Variants in RELN observed in about 807,000 individuals in gnomAD.
RELN encodes the protein reelin.
In RELN, 108 loss-of-function variants were observed where a neutral mutation model predicts 427.6. The observed-to-expected ratio is 0.25, with a 90% CI of 0.22 to 0.30. The LOEUF (loss-of-function observed/expected upper bound fraction) is 0.30, where lower values mean the gene tolerates loss of function less well. Ranked by LOEUF, RELN falls within the 10% of genes least tolerant of loss-of-function variation. RELN has a pLI of 1.00. For missense variants in RELN, 3,715 were observed against 4,302.8 expected (o/e 0.86, Z 3.82); for synonymous variants, 1,524 against 1,513.4 (o/e 1.01, Z -0.16).
intron 8 of RELN, 140 bp downstream of exon 8, chr7:103,723,000 T>C: frequency 1.6e-6 from 1 of 642,664 alleles, no homozygotes; most frequent in East Asian, 2.8e-5. Context: ...ACTTTAAAAA[T>C]GTTGTAGATT....
At chr7:103,830,876 G>A (rs1793257863) in intron 3 of RELN, among the ~76,000 whole-genome samples, 1 of 152,104 alleles carries the variant, frequency 6.6e-6, no homozygotes, top group East Asian at 1.9e-4. Flanking sequence ...TGTCAAGAAT[G>A]TTAAAAAGTG....
At chr7:103,481,158 C>G (rs1269655561) in intron 63 of RELN, among the ~76,000 whole-genome samples, 4 of 152,136 alleles carry the variant, frequency 2.6e-5, no homozygotes, top group Admixed American at 6.5e-5. Context: ...TGCCTCTGAA[C>G]CCCTCGCCCC....
At chr7:103,944,707 G>T (rs1796184270) in intron 1 of RELN, among the ~76,000 whole-genome samples, 1 of 152,088 alleles carries the variant, frequency 6.6e-6, no homozygotes, top group Admixed American at 6.6e-5. Context: ...TCATGGGCTG[G>T]GTTGGCTTCC....
At chr7:103,956,117 C>T (rs997171198) in intron 1 of RELN, among the ~76,000 whole-genome samples, 2 of 152,278 alleles carry the variant, frequency 1.3e-5, no homozygotes, top group East Asian at 1.9e-4. Context: ...GGTTTTCCCA[C>T]GTTAGTTCCC....
chr7:103,472,738 T>C lies in RELN; in HGVS notation c.*74A>G. 1 of 1,153,346 alleles carries C rather than the reference T, an allele frequency of 8.7e-7. No individual in the cohort carries two copies. Among genetic ancestry groups the C allele is most frequent in the Non-Finnish European group, 1.3e-6 (1 of 765,632 alleles). 71.4% of individuals were successfully genotyped at this position (1,153,346 alleles called of 1,614,324 possible). On this transcript the variant is annotated 3_prime_UTR_variant, in exon 65 of 65. Transcript: ENST00000428762. The stretch of plus-strand genomic sequence containing the variant: ...TTCACAGATATTTCCTGATATCAGA[T>C]GTAGTGCGAGATTTAAAAGAATGGA...
intron 51 of RELN, among the ~76,000 whole-genome samples, chr7:103,510,466 A>G (rs2117060670): frequency 6.6e-6 from 1 of 152,156 alleles, no homozygotes; most frequent in Non-Finnish European, 1.5e-5. Flanking sequence ...GGAGAGGAAC[A>G]TCACGCACTG....
chr7:103,719,666 G>A (rs193223895), intron 8 of RELN, among the ~76,000 whole-genome samples: 67 of 152,314 alleles, frequency 4.4e-4, no homozygotes, highest in Admixed American at 6.5e-4. Flanking sequence ...GCCTGAGAAA[G>A]TAGAGTTCGG....
chr7:103,902,577 C>T (rs1039426703), intron 2 of RELN, among the ~76,000 whole-genome samples: 23 of 152,000 alleles, frequency 1.5e-4, no homozygotes, highest in African/African-American at 5.6e-4. Context: ...AAAATATTAA[C>T]AATTTTGCTA....
intron 49 of RELN, among the ~76,000 whole-genome samples, chr7:103,517,537 T>C (rs1402451952): frequency 6.6e-6 from 1 of 152,226 alleles, no homozygotes; most frequent in African/African-American, 2.4e-5. Flanking sequence ...AACATAACTC[T>C]CTTTTCCTTG....
chr7:103,665,036 G>A lies in RELN; in HGVS notation c.1290-3509C>T, dbSNP rs1247148665. 5.9e-5 allele frequency among the ~76,000 whole-genome samples: 9 copies of A among 151,992 alleles called. No individual in the cohort carries two copies. The East Asian group carries it at 7.7e-4, about 13-fold the overall frequency. ...TTACCCTCAAATCATAGAGATACTC[G>A]TCTATATTTTCTTCTAAAAGTTTTA... On this transcript the variant is annotated intron_variant, in intron 11 of 64. Transcript: ENST00000428762.
intron 1 of RELN, among the ~76,000 whole-genome samples, chr7:103,936,786 A>G (rs1038680644): frequency 6.6e-6 from 1 of 151,558 alleles, no homozygotes; most frequent in African/African-American, 2.4e-5. Context: ...TTTCCTGGTA[A>G]AATTCTATTT....
intron 29 of RELN, among the ~76,000 whole-genome samples, chr7:103,574,748 C>T (rs1315785585): frequency 6.6e-6 from 1 of 152,118 alleles, no homozygotes; most frequent in Non-Finnish European, 1.5e-5. Context: ...TGTCTTTGGT[C>T]ACGTGCCAGA....
chr7:103,646,960 T>A (rs905342860), intron 16 of RELN, among the ~76,000 whole-genome samples: 1 of 151,210 alleles, frequency 6.6e-6, no homozygotes, highest in African/African-American at 2.4e-5. Context: ...GCTCAACCTA[T>A]GCAAATCATC....
intron 2 of RELN, among the ~76,000 whole-genome samples, chr7:103,838,140 C>A (rs39376): frequency 7.0e-6 from 1 of 142,184 alleles, no homozygotes; most frequent in Non-Finnish European, 1.5e-5. Context: ...ACCTGGGAGG[C>A]GGAGCTTGCA....
chr7:103,742,144 C>A (rs533261975), intron 6 of RELN, among the ~76,000 whole-genome samples: 1 of 152,266 alleles, frequency 6.6e-6, no homozygotes, highest in Non-Finnish European at 1.5e-5. Context: ...CTGCTGATAC[C>A]CAGGCAAACA....
intron 1 of RELN, among the ~76,000 whole-genome samples, chr7:103,961,133 C>T (rs564239700): frequency 6.6e-6 from 1 of 152,328 alleles, no homozygotes; most frequent in African/African-American, 2.4e-5. Context: ...GTTATAGGTA[C>T]CTGTATTCTT....
intron 2 of RELN, among the ~76,000 whole-genome samples, chr7:103,903,404 A>G (rs1163031748): frequency 3.3e-5 from 5 of 152,084 alleles, no homozygotes; most frequent in Admixed American, 3.3e-4. Flanking sequence ...ACTTTGGCAC[A>G]TGAGAAAGTA....
Position 103,482,942 on chromosome 7 carries a change from C to T in RELN, c.10211G>A (p.Arg3404His), listed in dbSNP as rs1473736832. 2 of 1,614,118 alleles carry T rather than the reference C, an allele frequency of 1.2e-6. No individual in the cohort carries two copies. The highest frequency in any genetic ancestry group is 1.1e-5 in the South Asian group (1 of 91,080). ...LEARMKGVLL[R>H]WWQPRHNGTG... ...TCCATTGTGGCGTGGTTGCCACCAG[C>T]GCAGTAAGACTCCTTTCATCCGTGC... Residue 3404 changes from arginine to histidine, a missense_variant, in exon 63 of 65, where the codon CGC becomes CAC. Physicochemically the swap from Arg to His is conservative, Grantham distance 29. Transcript: ENST00000428762.
At chr7:103,706,998 G>A (rs1246129174) in intron 8 of RELN, among the ~76,000 whole-genome samples, 2 of 152,074 alleles carry the variant, frequency 1.3e-5, no homozygotes, top group Non-Finnish European at 2.9e-5. Flanking sequence ...TTTATAGACA[G>A]GGGTCTCACT....
Sources: gnomAD v4.1 joint callset for allele counts (sites outside exome capture counted in the v4.1 genomes callset) on GRCh38, gnomAD v4.1.1 for gene constraint, MANE v1.5 for transcripts, NCBI Gene and HGNC (gene_info 2026-07-23, HGNC 2026-07-21) for gene names.